Variants in PPL observed in about 807,000 individuals in gnomAD.
The protein encoded by PPL is 190 kDa paraneoplastic pemphigus antigen.
Under a neutral mutation model 194.4 loss-of-function variants are expected in PPL, and 198 were observed. The ratio of observed to expected loss-of-function variants is 1.02; its 90% confidence interval spans 0.91 to 1.15. The LOEUF (loss-of-function observed/expected upper bound fraction) is 1.15. PPL is among the 50% of genes most tolerant of loss of function. The pLI is 0.00. For synonymous variants in PPL, 1,220 were observed against 972.4 expected (o/e 1.25, Z -4.74); for missense variants, 2,885 against 2,294.8 (o/e 1.26, Z -5.25).
intron 1 of PPL, among the ~76,000 whole-genome samples, chr16:4,912,085 G>T (rs1364039587): frequency 6.6e-6 from 1 of 152,170 alleles, no homozygotes; most frequent in Non-Finnish European, 1.5e-5. Flanking sequence ...AAATTCACCT[G>T]TTTAAAATAC....
intron 1 of PPL, among the ~76,000 whole-genome samples, chr16:4,921,503 G>C (rs1241073342): frequency 6.6e-6 from 1 of 152,152 alleles, no homozygotes; most frequent in African/African-American, 2.4e-5. Flanking sequence ...GTCTCACTCT[G>C]TCACCCAGGC....
rs369937923 is a variant in PPL at position 4,884,439 on chromosome 16, G to C, written c.4216C>G (p.Leu1406Val). The change falls in exon 22 of 22, where the codon CTA becomes GTA. Residue 1406 changes from leucine (L) to valine (V), a missense_variant. Leu to Val is a conservative substitution (Grantham distance 32). Transcript: ENST00000345988. This position sits in a 1 kb window ranked among gnomAD's most constrained non-coding sequence, Gnocchi z 5.7. ...RTELERQLEE[L>V]ERERQARREA... ...CTGCGGGCCTGCCGCTCGCGCTCTA[G>C]CTCCTCCAGCTGCCGCTCAAGCTCG... is the stretch of plus-strand genomic sequence containing the variant. The C allele has an allele frequency of 6.2e-7, 1 of 1,602,122 alleles. No homozygotes were observed. The highest frequency in any genetic ancestry group is 1.3e-5 in the African/African-American group (1 of 74,346).
chr16:4,934,246 C>T (rs1056876957), intron 1 of PPL, among the ~76,000 whole-genome samples: 3 of 152,104 alleles, frequency 2.0e-5, no homozygotes, highest in Admixed American at 6.5e-5. Flanking sequence ...CACCCTGTCC[C>T]GGCCCTCCCC....
chr16:4,895,514 C>T (rs955533131), intron 10 of PPL, 80 bp downstream of exon 10: 2 of 1,607,900 alleles, frequency 1.2e-6, no homozygotes, highest in East Asian at 2.2e-5. Context: ...GTGGAGGGGC[C>T]TGTACAGGGC....
chr16:4,918,243 A>G (rs1345588777), intron 1 of PPL, among the ~76,000 whole-genome samples: 6 of 151,160 alleles, frequency 4.0e-5, no homozygotes, highest in Admixed American at 1.3e-4. Flanking sequence ...CAGTGAGCCG[A>G]GATTGCACCA....
intron 17 of PPL, 132 bp downstream of exon 17, chr16:4,890,596 C>G (rs1040767910): frequency 6.0e-5 from 69 of 1,159,014 alleles, no homozygotes; most frequent in Non-Finnish European, 8.0e-5. Flanking sequence ...ACCACAGGGC[C>G]GTCAGAGAAT....
At chr16:4,890,084 G>C (rs2088290387) in intron 18 of PPL, 100 bp downstream of exon 18, 3 of 1,564,270 alleles carry the variant, frequency 1.9e-6, no homozygotes, top group Non-Finnish European at 2.6e-6. Context: ...CCTCTGCCCT[G>C]CTCCACCTCC....
chr16:4,888,687 G>A (rs535051079), intron 19 of PPL: 35 of 447,894 alleles, frequency 7.8e-5, no homozygotes, highest in Middle Eastern at 5.7e-4. Context: ...AAATAGTGCT[G>A]TTGCAACAAT....
At chr16:4,919,071 C>A (rs895750848) in intron 1 of PPL, among the ~76,000 whole-genome samples, 24 of 152,164 alleles carry the variant, frequency 1.6e-4, no homozygotes, top group African/African-American at 5.3e-4. Flanking sequence ...CCCCCCTCCC[C>A]ACACACACAC....
At chr16:4,923,734 G>A (rs2089100219) in intron 1 of PPL, among the ~76,000 whole-genome samples, 1 of 152,138 alleles carries the variant, frequency 6.6e-6, no homozygotes, top group African/African-American at 2.4e-5. Flanking sequence ...CTCTGAGACA[G>A]GGATAGGAAT....
rs149988546 is a variant in PPL, at chr16:4,919,016, G to T, written c.63-8067C>A. Among the ~76,000 whole-genome samples, 1,037 of 152,280 alleles carry T rather than the reference G, an allele frequency of 6.8e-3. 15 individuals are homozygous for T. The highest frequency in any genetic ancestry group is 0.023 in the African/African-American group (949 of 41,558). On this transcript the variant is annotated intron_variant, in intron 1 of 21. Transcript: ENST00000345988. ...GACACAGCCCTGTCCTGCCCATGCAGACACAGACAGCAGCCACCTGCCTGA... is the reference window on the plus strand; with the variant it reads ...GACACAGCCCTGTCCTGCCCATGCATACACAGACAGCAGCCACCTGCCTGA...
chr16:4,885,277 G>A lies in PPL; in HGVS notation c.3378C>T (p.Thr1126=), dbSNP rs11863749. ...EVLKVEKDAA[T]EREVSDLTRQ... ...GGGTGAGATCGCTGACCTCCCTCTC[G>A]GTGGCCGCGTCCTTCTCCACCTTGA... Residue 1126 remains threonine, a synonymous_variant, in exon 22 of 22, where the codon ACC becomes ACT. Transcript: ENST00000345988. This position sits in a 1 kb window ranked among gnomAD's most constrained non-coding sequence, Gnocchi z 6.3. 8.1e-5 allele frequency: 130 copies of A among 1,611,472 alleles called. No individual in the cohort carries two copies. The Admixed American group carries it at 1.2e-3, about 15-fold the overall frequency.
chr16:4,927,610 G>T (rs1003965612), intron 1 of PPL, among the ~76,000 whole-genome samples: 1 of 152,220 alleles, frequency 6.6e-6, no homozygotes, highest in African/African-American at 2.4e-5. Context: ...CAGATTGATT[G>T]GTCAATTGAC....
At position 4,890,775 on chromosome 16, in the gene PPL, G is replaced by A; in HGVS notation, c.2115C>T (p.His705=). The change falls in exon 17 of 22, where the codon CAC becomes CAT. Residue 705 remains histidine (H), a synonymous_variant. Coordinates refer to ENST00000345988, the MANE Select transcript of PPL (RefSeq NM_002705.5). The stretch of plus-strand genomic sequence containing the variant: ...GGTTGTTGAAACGCTGGCCCAGCTT[G>A]TGCACCTCGGCCTCCTGGCGCTCCA... ...PDLERQEAEV[H]KLGQRFNNLR... is the part of the protein sequence containing the mutation. The A allele has an allele frequency of 6.2e-7, 1 of 1,609,442 alleles. No individual in the cohort carries two copies. Among genetic ancestry groups the A allele is most frequent in the Non-Finnish European group, 8.5e-7 (1 of 1,178,276 alleles).
chr16:4,896,007 T>C (rs1018364884), intron 9 of PPL, among the ~76,000 whole-genome samples: 7 of 152,244 alleles, frequency 4.6e-5, no homozygotes, highest in Non-Finnish European at 1.0e-4. Flanking sequence ...TTGAGGTGTC[T>C]TTGATTCAGT....
Position 4,890,241 on chromosome 16 carries a change from G to T in PPL, c.2256C>A (p.Tyr752Ter), listed in dbSNP as rs773219582. Residue 752 changes from tyrosine (Y) to a stop codon, truncating the protein, a stop_gained, in exon 18 of 22, where the codon TAC (tyrosine) becomes TAA (stop). Transcript: ENST00000345988. LOFTEE classifies it high-confidence loss of function. ...VLQFLVSIPS[Y>*]EPQETDSLSQ... ...TGAGGCTGTCTGTCTCCTGGGGCTC[G>T]TAACTGGGGATGCTGACTAGGAACT... The T allele has an allele frequency of 1.9e-6, 3 of 1,614,060 alleles. No individual in the cohort carries two copies. Among genetic ancestry groups the T allele is most frequent in the Non-Finnish European group, 2.5e-6 (3 of 1,180,038 alleles).
At chr16:4,896,445 G>A (rs1039689284) in intron 9 of PPL, among the ~76,000 whole-genome samples, 14 of 152,138 alleles carry the variant, frequency 9.2e-5, no homozygotes, top group Non-Finnish European at 1.3e-4. Context: ...GGATGAACCC[G>A]GAAAACATGA....
rs1376684434 is a variant in PPL, at chr16:4,899,600, TTCAG to T, written c.607-220_607-217del. 1.3e-4 allele frequency among the ~76,000 whole-genome samples: 14 copies of T among 106,568 alleles called. No individual in the cohort carries two copies. The East Asian group carries it at 3.4e-3, about 26-fold the overall frequency. 69.9% of individuals were successfully genotyped at this position (106,568 alleles called of 152,430 possible). A position where few individuals can be genotyped will look rare whatever the true frequency, so the allele number is the denominator to read the frequency against. The stretch of plus-strand genomic sequence containing the variant: ...ACTCATTCATTCATTCATTCATTCA[TTCAG>T]TAAATGTTTACTGAGCATCTACTAC... On this transcript the variant is annotated intron_variant, in intron 6 of 21. Coordinates refer to ENST00000345988, the MANE Select transcript of PPL (RefSeq NM_002705.5).
intron 1 of PPL, among the ~76,000 whole-genome samples, chr16:4,922,820 G>T (rs918190262): frequency 6.6e-6 from 1 of 152,168 alleles, no homozygotes; most frequent in African/African-American, 2.4e-5. Flanking sequence ...CTTTGCTTCT[G>T]CCCTGTGAAT....
Sources: gnomAD v4.1 joint callset for allele counts (sites outside exome capture counted in the v4.1 genomes callset) on GRCh38, gnomAD v4.1.1 for gene constraint, Gnocchi (gnomAD v3.1) non-coding constraint, MANE v1.5 for transcripts, NCBI Gene and HGNC (gene_info 2026-07-23, HGNC 2026-07-21) for gene names.